TRERF1: variants seen among roughly 807,000 people sequenced by gnomAD.
The protein encoded by TRERF1 is transcriptional-regulating factor 1.
A neutral mutation model predicts 122.9 loss-of-function variants in TRERF1; 27 were observed. The observed-to-expected ratio is 0.22, with a 90% confidence interval of 0.16 to 0.30. The LOEUF (loss-of-function observed/expected upper bound fraction) is 0.30, where lower values mean the gene tolerates loss of function less well. Ranked by LOEUF, TRERF1 falls within the 10% of genes least tolerant of loss-of-function variation. TRERF1 has a pLI of 1.00. For missense variants in TRERF1, 1,248 were observed against 1,560.3 expected (o/e 0.80, Z 3.37); for synonymous variants, 636 against 641.7 (o/e 0.99, Z 0.13).
intron 2 of TRERF1, among the ~76,000 whole-genome samples, chr6:42,370,294 G>GT (rs1562080265): frequency 6.6e-6 from 1 of 152,204 alleles, no homozygotes; most frequent in Non-Finnish European, 1.5e-5. Context: ...TGGGAAGTAT[G>GT]CATGTCCAGG....
chr6:42,397,347 C>G (rs1778767764), intron 2 of TRERF1, among the ~76,000 whole-genome samples: 1 of 152,156 alleles, frequency 6.6e-6, no homozygotes, highest in Non-Finnish European at 1.5e-5. Context: ...GGTCAAATGA[C>G]AGGACACAGG....
intron 2 of TRERF1, among the ~76,000 whole-genome samples, chr6:42,372,876 C>A (rs762184060): frequency 6.6e-6 from 1 of 152,314 alleles, no homozygotes; most frequent in East Asian, 1.9e-4. Flanking sequence ...AGGAATGAGA[C>A]CCTGAGTCAG....
intron 2 of TRERF1, among the ~76,000 whole-genome samples, chr6:42,384,956 T>C (rs1461099108): frequency 6.6e-6 from 1 of 151,838 alleles, no homozygotes; most frequent in Non-Finnish European, 1.5e-5. Flanking sequence ...AGGCATTTGG[T>C]ACCATGCTCA....
intron 2 of TRERF1, among the ~76,000 whole-genome samples, chr6:42,430,116 G>C (rs1272954520): frequency 6.6e-6 from 1 of 151,792 alleles, no homozygotes; most frequent in African/African-American, 2.4e-5. Flanking sequence ...AGGGCCTCAG[G>C]GGGGCTAAGG....
chr6:42,338,439 G>C (rs532926992), intron 3 of TRERF1, among the ~76,000 whole-genome samples: 1 of 152,292 alleles, frequency 6.6e-6, no homozygotes, highest in South Asian at 2.1e-4. Context: ...TCAAAATGGT[G>C]CTAAAGAAGT....
At chr6:42,402,997 G>A (rs750146901) in intron 2 of TRERF1, among the ~76,000 whole-genome samples, 3 of 152,124 alleles carry the variant, frequency 2.0e-5, no homozygotes, top group Non-Finnish European at 2.9e-5. Context: ...AGAGAGGAGC[G>A]AGGTCCAGTC....
intron 3 of TRERF1, among the ~76,000 whole-genome samples, chr6:42,335,790 C>A (rs766282836): frequency 6.6e-6 from 1 of 152,230 alleles, no homozygotes; most frequent in Non-Finnish European, 1.5e-5. Flanking sequence ...AAAACAAAGT[C>A]TAGCTTCCAT....
At chr6:42,295,080 C>G (rs28385590) in intron 4 of TRERF1, among the ~76,000 whole-genome samples, 1 of 152,040 alleles carries the variant, frequency 6.6e-6, no homozygotes, top group African/African-American at 2.4e-5. Context: ...CTCGGCTGGG[C>G]TGGAAATGTC....
chr6:42,433,290 G>C (rs1318384933), intron 2 of TRERF1, among the ~76,000 whole-genome samples: 2 of 151,906 alleles, frequency 1.3e-5, no homozygotes, highest in African/African-American at 4.8e-5. Context: ...AGATTTAAGA[G>C]CCCAAGATAC....
intron 2 of TRERF1, among the ~76,000 whole-genome samples, chr6:42,434,613 G>C (rs561711061): frequency 6.7e-6 from 1 of 148,172 alleles, no homozygotes; most frequent in African/African-American, 2.5e-5. Context: ...TGAATAAAAC[G>C]CATTTTCCGA....
intron 8 of TRERF1, among the ~76,000 whole-genome samples, chr6:42,262,601 C>CACAGAGAGAGAGAGAGAGAG: frequency 1.7e-5 from 1 of 59,186 alleles, no homozygotes; most frequent in Admixed American, 1.7e-4. Flanking sequence ...GAGAGAGAGA[C>CACAGAGAGAGAGAGAGAGAG]AGACAGACGG....
chr6:42,307,930 C>T (rs1275356714), intron 3 of TRERF1, among the ~76,000 whole-genome samples: 2 of 152,204 alleles, frequency 1.3e-5, no homozygotes, highest in Non-Finnish European at 2.9e-5. Flanking sequence ...TCCCTTCACA[C>T]CCACCAGGTT....
chr6:42,358,527 G>A (rs933307832), intron 3 of TRERF1, among the ~76,000 whole-genome samples: 14 of 152,226 alleles, frequency 9.2e-5, no homozygotes, highest in Non-Finnish European at 5.9e-5. Flanking sequence ...GGGCAAATGC[G>A]GGGCAGTGCC....
chr6:42,251,156 T>C (rs1206545294), intron 13 of TRERF1, among the ~76,000 whole-genome samples: 2 of 152,014 alleles, frequency 1.3e-5, no homozygotes, highest in African/African-American at 4.8e-5. Context: ...CCACTATGCC[T>C]GGCTAATTTT....
At chr6:42,449,360 C>T (rs767374372) in intron 2 of TRERF1, among the ~76,000 whole-genome samples, 2 of 152,098 alleles carry the variant, frequency 1.3e-5, no homozygotes, top group South Asian at 2.1e-4. Context: ...GGTATCAATT[C>T]CTATAAATCA....
chr6:42,312,745 C>T (rs748874268), intron 3 of TRERF1, among the ~76,000 whole-genome samples: 36 of 152,166 alleles, frequency 2.4e-4, no homozygotes, highest in Non-Finnish European at 4.3e-4. Context: ...ATTAATTCAT[C>T]GACTCCACAC....
chr6:42,286,453 C>A (rs1783236385), intron 4 of TRERF1, among the ~76,000 whole-genome samples: 1 of 140,502 alleles, frequency 7.1e-6, no homozygotes, highest in African/African-American at 2.7e-5. Flanking sequence ...AAGAAAAAAA[C>A]AAACAACCCC....
chr6:42,430,894 CAA>C lies in TRERF1; in HGVS notation c.-454+20281_-454+20282del, dbSNP rs11295004. ...CTGGAGACAGAGCAAGACTCCATCTCAAAAAAAAAAAAAAAAATTAGCCGGGT... is the reference window on the plus strand; with the variant it reads ...CTGGAGACAGAGCAAGACTCCATCTCAAAAAAAAAAAAAAATTAGCCGGGT... On this transcript the variant is annotated intron_variant, in intron 2 of 17. Coordinates refer to ENST00000372922, the Ensembl canonical transcript of TRERF1. 6.4e-3 allele frequency among the ~76,000 whole-genome samples: 789 copies of C among 122,340 alleles called. 6 individuals are homozygous for C. Among genetic ancestry groups the C allele is most frequent in the African/African-American group, 0.016 (515 of 32,014 alleles). The allele number at this position is 122,340 out of a possible 152,430, so 80.3% of individuals were successfully genotyped here.
rs761098527 is a variant in TRERF1, at chr6:42,271,184, TAAAAAAAAA to T, written c.-258-1345_-258-1337del. On this transcript the variant is annotated intron_variant, in intron 4 of 17. Coordinates refer to ENST00000372922, the Ensembl canonical transcript of TRERF1. ...TCTGTGACAAGAGCAAAACTCCATC[TAAAAAAAAA>T]AAAAAAAAAAGAGGTTCAATTTCTA... Among the ~76,000 whole-genome samples, 48 of 102,688 alleles carry T rather than the reference TAAAAAAAAA, an allele frequency of 4.7e-4. 1 individual carries two copies. The Admixed American group carries it at 5.0e-3, about 11-fold the overall frequency. The allele number at this position is 102,688 out of a possible 152,430, so 67.4% of individuals were successfully genotyped here.
Sources: gnomAD v4.1 joint callset for allele counts (sites outside exome capture counted in the v4.1 genomes callset) on GRCh38, gnomAD v4.1.1 for gene constraint, MANE v1.5 for transcripts, NCBI Gene and HGNC (gene_info 2026-07-23, HGNC 2026-07-21) for gene names.